The following ITGA9 variants were observed in gnomAD, a reference collection of about 807,000 sequenced individuals.
ITGA9 encodes integrin subunit alpha 9.
A neutral mutation model predicts 127.8 loss-of-function variants in ITGA9; 56 were observed. The observed-to-expected ratio is 0.44, with a 90% confidence interval of 0.35 to 0.55. The LOEUF (loss-of-function observed/expected upper bound fraction) is 0.55, where lower values mean the gene tolerates loss of function less well. ITGA9 is among the 20% of genes least tolerant of loss of function. The pLI, the probability that ITGA9 is intolerant of heterozygous loss-of-function variation, is 0.00. For missense variants in ITGA9, 1,196 were observed against 1,347.1 expected (o/e 0.89, Z 1.76); for synonymous variants, 508 against 514.5 (o/e 0.99, Z 0.17).
At chr3:37,733,401 A>G (rs2125528939) in intron 19 of ITGA9, among the ~76,000 whole-genome samples, 1 of 152,096 alleles carries the variant, frequency 6.6e-6, no homozygotes, top group African/African-American at 2.4e-5. Context: ...GGAGATACAA[A>G]CATAGGTAAA....
intron 5 of ITGA9, among the ~76,000 whole-genome samples, chr3:37,500,478 C>G (rs1698776726): frequency 6.6e-6 from 1 of 152,208 alleles, no homozygotes; most frequent in Non-Finnish European, 1.5e-5. Flanking sequence ...TTTCTTCCAT[C>G]TGTGTTCCTG....
chr3:37,688,119 G>A lies in ITGA9; in HGVS notation c.2067+4104G>A, dbSNP rs1559568072. 2.0e-5 allele frequency among the ~76,000 whole-genome samples: 3 copies of A among 152,154 alleles called. No individual in the cohort carries two copies. In the South Asian group the frequency reaches 6.2e-4, roughly 32 times the overall value. On this transcript the variant is annotated intron_variant, in intron 18 of 27. Coordinates refer to ENST00000264741, the MANE Select transcript of ITGA9 (RefSeq NM_002207.3). Reference sequence around the variant, plus strand: ...TGGCACTTCCAGCCTTCTCTAAGTAGGTCCACACTGCCTGGGGCCAGGAAG... The same window carrying A: ...TGGCACTTCCAGCCTTCTCTAAGTAAGTCCACACTGCCTGGGGCCAGGAAG...
chr3:37,524,598 A>G (rs1216386428), intron 12 of ITGA9, among the ~76,000 whole-genome samples: 1 of 152,234 alleles, frequency 6.6e-6, no homozygotes, highest in Non-Finnish European at 1.5e-5. Context: ...GCCATCCCCA[A>G]ATAATACCTT....
At chr3:37,670,790 A>G (rs958776458) in intron 17 of ITGA9, among the ~76,000 whole-genome samples, 2 of 152,242 alleles carry the variant, frequency 1.3e-5, no homozygotes, top group African/African-American at 4.8e-5. Flanking sequence ...GAAAAGATTC[A>G]AAATCTAGGA....
intron 15 of ITGA9, among the ~76,000 whole-genome samples, chr3:37,613,258 T>C (rs1700041520): frequency 6.6e-6 from 1 of 152,144 alleles, no homozygotes; most frequent in Non-Finnish European, 1.5e-5. Flanking sequence ...ATGATGGTTT[T>C]CAGCTTCATC....
chr3:37,554,313 G>A (rs1699408807), intron 15 of ITGA9, among the ~76,000 whole-genome samples: 1 of 152,096 alleles, frequency 6.6e-6, no homozygotes, highest in African/African-American at 2.4e-5. Flanking sequence ...GCGGGTTCCT[G>A]GAGGAGGGCT....
intron 3 of ITGA9, among the ~76,000 whole-genome samples, chr3:37,477,565 A>G (rs1312043206): frequency 6.6e-6 from 1 of 152,178 alleles, no homozygotes; most frequent in Non-Finnish European, 1.5e-5. Context: ...CTGGATGTAA[A>G]GATAGCATCA....
chr3:37,742,734 A>C (rs1696453694), intron 21 of ITGA9, among the ~76,000 whole-genome samples: 1 of 152,214 alleles, frequency 6.6e-6, no homozygotes, highest in Non-Finnish European at 1.5e-5. Context: ...GATCCCTTGC[A>C]GGGAGAGCCA....
At chr3:37,723,732 G>A (rs757150441) in intron 18 of ITGA9, among the ~76,000 whole-genome samples, 4 of 152,158 alleles carry the variant, frequency 2.6e-5, no homozygotes, top group Admixed American at 6.6e-5. Flanking sequence ...GTGCTGCGAC[G>A]GCAGCGCTGT....
At chr3:37,698,327 G>T (rs1559571088) in intron 18 of ITGA9, among the ~76,000 whole-genome samples, 1 of 152,162 alleles carries the variant, frequency 6.6e-6, no homozygotes, top group African/African-American at 2.4e-5. Context: ...CTGTGCAGAA[G>T]CTCTTTAGTT....
chr3:37,518,866 C>T (rs367646435), intron 10 of ITGA9, among the ~76,000 whole-genome samples: 21 of 145,876 alleles, frequency 1.4e-4, no homozygotes, highest in African/African-American at 4.9e-4. Context: ...CTCACTGCAA[C>T]CTCCGCTTCC....
chr3:37,763,269 G>A (rs1167619714), intron 23 of ITGA9, among the ~76,000 whole-genome samples: 2 of 152,182 alleles, frequency 1.3e-5, no homozygotes, highest in Non-Finnish European at 2.9e-5. Context: ...TAAACGGAGT[G>A]GTCAGGGACA....
rs764444572 is a variant in ITGA9, at chr3:37,519,360, T to G, written c.1236+6T>G. 1 of 1,601,784 alleles carries G rather than the reference T, an allele frequency of 6.2e-7. No homozygotes were observed. The highest frequency in any genetic ancestry group is 1.3e-5 in the African/African-American group (1 of 74,822). On this transcript the variant is annotated splice_donor_region_variant and intron_variant, in intron 11 of 27. Coordinates refer to ENST00000264741, the MANE Select transcript of ITGA9 (RefSeq NM_002207.3). ...TAGTCCCTCAGTACTCAATGGTAAT[T>G]AGTGTGAGAGTGATATGGCAACTGT...
At chr3:37,539,013 C>T (rs575249104) in intron 14 of ITGA9, among the ~76,000 whole-genome samples, 11 of 152,314 alleles carry the variant, frequency 7.2e-5, no homozygotes, top group African/African-American at 1.4e-4. Context: ...GCACACACCC[C>T]GCTGGAGAGG....
chr3:37,592,202 G>A (rs181144451), intron 15 of ITGA9, among the ~76,000 whole-genome samples: 1 of 152,244 alleles, frequency 6.6e-6, no homozygotes. Flanking sequence ...GTAACCCTGT[G>A]TATACCTGTA....
At chr3:37,678,280 G>A (rs768718036) in intron 17 of ITGA9, among the ~76,000 whole-genome samples, 2 of 152,150 alleles carry the variant, frequency 1.3e-5, no homozygotes, top group East Asian at 1.9e-4. Flanking sequence ...TCGATTTTAC[G>A]TTCCTACCAA....
intron 17 of ITGA9, among the ~76,000 whole-genome samples, chr3:37,665,273 C>A (rs1700575475): frequency 6.6e-6 from 1 of 151,864 alleles, no homozygotes; most frequent in Non-Finnish European, 1.5e-5. Context: ...CTGTGCCTGG[C>A]CTAGCTGGCT....
intron 15 of ITGA9, among the ~76,000 whole-genome samples, chr3:37,580,830 G>A (rs1460414887): frequency 6.6e-6 from 1 of 152,200 alleles, no homozygotes; most frequent in Non-Finnish European, 1.5e-5. Flanking sequence ...AAGAGGTTGA[G>A]TAGAAAGAAC....
chr3:37,675,743 CTTT>C (rs5848124), intron 17 of ITGA9, among the ~76,000 whole-genome samples: 2 of 124,528 alleles, frequency 1.6e-5, no homozygotes, highest in Non-Finnish European at 3.3e-5. Flanking sequence ...TTAAAAACTA[CTTT>C]TTTTTTTTTT....
Sources: gnomAD v4.1 joint callset for allele counts (sites outside exome capture counted in the v4.1 genomes callset) on GRCh38, gnomAD v4.1.1 for gene constraint, MANE v1.5 for transcripts, NCBI Gene and HGNC (gene_info 2026-07-23, HGNC 2026-07-21) for gene names.